Variants in ABCA1 observed in about 807,000 individuals in gnomAD.
The protein encoded by ABCA1 is ATP binding cassette subfamily A member 1.
ABCA1 carries 133 observed loss-of-function variants against 262.5 expected under a neutral mutation model. That is an observed-to-expected ratio of 0.51 (90% CI 0.44 to 0.59). ABCA1 has a LOEUF of 0.59. Ranked by LOEUF, ABCA1 falls within the 20% of genes least tolerant of loss-of-function variation. ABCA1 has a pLI of 0.00. For missense variants in ABCA1, 2,452 were observed against 2,777.5 expected (o/e 0.88, Z 2.63); for synonymous variants, 1,022 against 1,043.5 (o/e 0.98, Z 0.40).
In ABCA1 at chr9:104,817,284, T is replaced by TG. The variant is rs1254636196; in HGVS notation, c.3535+47dup. Reference sequence around the variant, plus strand: ...CTCCTCTGCCTCCACTCTGCCCAGCTGGGGGAAGCTCAGGCACCACCTGAA... The same window carrying TG: ...CTCCTCTGCCTCCACTCTGCCCAGCTGGGGGGAAGCTCAGGCACCACCTGAA... On this transcript the variant is annotated intron_variant, in intron 24 of 49. Coordinates refer to ENST00000374736, the MANE Select transcript of ABCA1 (RefSeq NM_005502.4). The surrounding 1 kb of genome is among the most constrained non-coding windows in gnomAD (Gnocchi z 4.7). 1.2e-6 allele frequency: 2 copies of TG among 1,613,796 alleles called. No individual in the cohort carries two copies. The highest frequency in any genetic ancestry group is 1.7e-6 in the Non-Finnish European group (2 of 1,179,926).
At chr9:104,802,657 C>T (rs929516072) in intron 33 of ABCA1, among the ~76,000 whole-genome samples, 4 of 152,204 alleles carry the variant, frequency 2.6e-5, no homozygotes, top group Non-Finnish European at 5.9e-5. Flanking sequence ...AGAGAAAAGA[C>T]GGAAATCAGT....
At chr9:104,845,365 A>G (rs1418757205) in intron 8 of ABCA1, 112 bp downstream of exon 8, 10 of 749,512 alleles carry the variant, frequency 1.3e-5, no homozygotes, top group Non-Finnish European at 2.2e-5. Context: ...TTGAAAATTG[A>G]TATTACATCC....
chr9:104,925,316 G>A (rs1427998638), intron 1 of ABCA1, among the ~76,000 whole-genome samples: 1 of 115,482 alleles, frequency 8.7e-6, no homozygotes, highest in Non-Finnish European at 1.9e-5. Flanking sequence ...GGTGGAGGTT[G>A]CAGTGAGCCA....
At chr9:104,823,475 C>A (rs562367454) in intron 18 of ABCA1, among the ~76,000 whole-genome samples, 2 of 152,188 alleles carry the variant, frequency 1.3e-5, no homozygotes, top group African/African-American at 4.8e-5. Flanking sequence ...TAAGGGAACC[C>A]CCTCATGTAA....
At chr9:104,821,907 A>G (rs914128176) in intron 19 of ABCA1, among the ~76,000 whole-genome samples, 1 of 152,238 alleles carries the variant, frequency 6.6e-6, no homozygotes, top group African/African-American at 2.4e-5. Context: ...TGAAAAGCTC[A>G]TAATATATTA....
In ABCA1 at chr9:104,829,042, C is replaced by A; in HGVS notation, c.1989G>T (p.Lys663Asn). Residue 663 changes from lysine (K) to asparagine (N), a missense_variant, in exon 15 of 50, where the codon AAG becomes AAT. Lys to Asn is a moderately conservative substitution (Grantham distance 94, BLOSUM62 0). Coordinates refer to ENST00000374736, the MANE Select transcript of ABCA1 (RefSeq NM_005502.4). ...AVIIKGIVYE[K>N]EARLKETMRI... ...GCATGGTCTCTTTCAGCCGTGCCTC[C>A]TTCTCATACACGATGCCCTTGATGA... 2 of 1,614,210 alleles carry A rather than the reference C, an allele frequency of 1.2e-6. No homozygotes were observed. The highest frequency in any genetic ancestry group is 1.7e-6 in the Non-Finnish European group (2 of 1,180,038).
intron 4 of ABCA1, 130 bp from the exon 5 acceptor site, chr9:104,883,287 A>C: frequency 2.6e-6 from 2 of 778,348 alleles, no homozygotes; most frequent in Non-Finnish European, 4.6e-6. Context: ...GCCCTAACCC[A>C]CTCCCATGGC....
At chr9:104,806,154 G>T in intron 31 of ABCA1, 87 bp downstream of exon 31, 1 of 1,343,084 alleles carries the variant, frequency 7.4e-7, no homozygotes, top group Non-Finnish European at 1.0e-6. Context: ...CTCCCAACAT[G>T]ATATCTCACT....
intron 1 of ABCA1, among the ~76,000 whole-genome samples, chr9:104,916,263 A>G (rs1780499710): frequency 6.6e-6 from 1 of 152,208 alleles, no homozygotes; most frequent in African/African-American, 2.4e-5. Flanking sequence ...CAACATCAAC[A>G]TCGGGTTTCA....
chr9:104,925,043 A>G (rs1253216262), intron 1 of ABCA1, among the ~76,000 whole-genome samples: 3 of 152,158 alleles, frequency 2.0e-5, no homozygotes, highest in African/African-American at 7.2e-5. Context: ...ATCCTGCACT[A>G]ATGCACTGTC....
intron 5 of ABCA1, among the ~76,000 whole-genome samples, chr9:104,874,792 G>A (rs565905601): frequency 5.6e-5 from 8 of 143,206 alleles, no homozygotes; most frequent in South Asian, 2.2e-4. Context: ...GGCAGCCCCC[G>A]CCCGGCCAGC....
chr9:104,811,024 C>G (rs960416363), intron 28 of ABCA1, 100 bp from the exon 29 acceptor site: 186 of 1,551,664 alleles, frequency 1.2e-4, no homozygotes, highest in Non-Finnish European at 1.2e-5. Context: ...CCCACCTCCC[C>G]GACCAACCAG....
chr9:104,855,227 C>CAGAA, intron 7 of ABCA1: 1 of 869,148 alleles, frequency 1.2e-6, no homozygotes, highest in Non-Finnish European at 1.4e-6. Flanking sequence ...GACAGAGTCT[C>CAGAA]ACTCTGTCAC....
chr9:104,923,217 ACAACTAAACTAACAGTT>A, intron 1 of ABCA1, among the ~76,000 whole-genome samples: 1 of 152,378 alleles, frequency 6.6e-6, no homozygotes, highest in South Asian at 2.1e-4. Flanking sequence ...GTTAGGTTTT[ACAACTAAACTAACAGTT>A]CACTTCTCTT....
intron 44 of ABCA1, 82 bp downstream of exon 44, chr9:104,790,840 T>A (rs1164496675): frequency 1.0e-6 from 1 of 972,828 alleles, no homozygotes; most frequent in Non-Finnish European, 1.6e-6. Flanking sequence ...AATACCACTG[T>A]AATCAAAAAT....
At chr9:104,821,604 C>T in intron 19 of ABCA1, 98 bp from the exon 20 acceptor site, 1 of 1,371,346 alleles carries the variant, frequency 7.3e-7, no homozygotes, top group Non-Finnish European at 1.0e-6. Context: ...CACCAACCCT[C>T]CCACCGCCCC....
rs747911776 is a variant in ABCA1, at chr9:104,782,335, A to T, written c.*1980T>A. 20 of 152,140 alleles carry T rather than the reference A, an allele frequency of 1.3e-4. No individual in the cohort carries two copies. The highest frequency in any genetic ancestry group is 2.4e-4 in the Non-Finnish European group (16 of 67,970). The allele number at this position is 152,140 out of a possible 1,614,324, so 9.4% of individuals were successfully genotyped here. Reference sequence around the variant, plus strand: ...TTTTTTTCTTTTTCAGCAGTGGGTTATATAATATTCTGTAAATTTAAAAAA... The same window carrying T: ...TTTTTTTCTTTTTCAGCAGTGGGTTTTATAATATTCTGTAAATTTAAAAAA... On this transcript the variant is annotated 3_prime_UTR_variant, in exon 50 of 50. Coordinates refer to ENST00000374736, the MANE Select transcript of ABCA1 (RefSeq NM_005502.4).
At chr9:104,796,006 C>T in intron 39 of ABCA1, 47 bp downstream of exon 39, 1 of 1,611,028 alleles carries the variant, frequency 6.2e-7, no homozygotes, top group Non-Finnish European at 8.5e-7. Flanking sequence ...TCCTCTGGCT[C>T]CCAGAGATGC....
At chr9:104,825,390 T>C (rs1832730169) in intron 17 of ABCA1, among the ~76,000 whole-genome samples, 1 of 152,200 alleles carries the variant, frequency 6.6e-6, no homozygotes, top group South Asian at 2.1e-4. Flanking sequence ...CATTTGAAAA[T>C]TGCTGGTTAT....
Sources: gnomAD v4.1 joint callset for allele counts (sites outside exome capture counted in the v4.1 genomes callset) on GRCh38, gnomAD v4.1.1 for gene constraint, Gnocchi (gnomAD v3.1) non-coding constraint, MANE v1.5 for transcripts, NCBI Gene and HGNC (gene_info 2026-07-23, HGNC 2026-07-21) for gene names.